The following ME3 variants were observed in gnomAD, a reference collection of about 807,000 sequenced individuals.
ME3 encodes the protein malic enzyme 3.
A neutral mutation model predicts 68.9 loss-of-function variants in ME3; 48 were observed. The observed-to-expected ratio is 0.70, with a 90% CI of 0.55 to 0.89. ME3 has a LOEUF of 0.89. Among genes scored for constraint, ME3 ranks in the 40% least tolerant of loss-of-function variants. The pLI, the probability that ME3 is intolerant of heterozygous loss-of-function variation, is 0.00. For synonymous variants in ME3, 320 were observed against 318.8 expected, an observed-to-expected ratio of 1.00 and a Z score of -0.04; for missense variants, 675 against 797.4, an observed-to-expected ratio of 0.85 and a Z score of 1.85.
intron 2 of ME3, among the ~76,000 whole-genome samples, chr11:86,650,934 A>C (rs765465015): frequency 1.5e-4 from 23 of 152,236 alleles, no homozygotes; most frequent in Non-Finnish European, 3.4e-4. Flanking sequence ...CCAACGGCAC[A>C]CCAGGAGATT....
intron 7 of ME3, among the ~76,000 whole-genome samples, chr11:86,473,298 T>C (rs1289589978): frequency 6.6e-6 from 1 of 151,664 alleles, no homozygotes; most frequent in Non-Finnish European, 1.5e-5. Flanking sequence ...TACATTGGAG[T>C]CGTTGTTTAG....
chr11:86,537,041 A>G (rs761276631), intron 4 of ME3, among the ~76,000 whole-genome samples: 2,908 of 151,192 alleles, frequency 0.019, 44 homozygotes, highest in Admixed American at 0.029. Context: ...GAAGAACAAA[A>G]AACCAAACAC....
At chr11:86,615,371 C>T (rs1471852658) in intron 2 of ME3, among the ~76,000 whole-genome samples, 3 of 152,098 alleles carry the variant, frequency 2.0e-5, no homozygotes, top group Non-Finnish European at 4.4e-5. Flanking sequence ...ATTTTGTCCT[C>T]CCCCAATTCT....
intron 2 of ME3, among the ~76,000 whole-genome samples, chr11:86,657,458 G>GCCAA (rs1945972907): frequency 6.7e-6 from 1 of 149,256 alleles, no homozygotes; most frequent in East Asian, 2.0e-4. Flanking sequence ...TCATACATTG[G>GCCAA]GGCCTGTAGG....
intron 8 of ME3, among the ~76,000 whole-genome samples, chr11:86,452,448 T>G (rs1949688268): frequency 6.6e-6 from 1 of 152,178 alleles, no homozygotes; most frequent in Non-Finnish European, 1.5e-5. Flanking sequence ...TAGTAAATAT[T>G]AATAAATATA....
chr11:86,670,864 G>A (rs1056788681), intron 2 of ME3, among the ~76,000 whole-genome samples: 3 of 152,206 alleles, frequency 2.0e-5, no homozygotes, highest in Admixed American at 6.5e-5. Context: ...AACCAAATGA[G>A]ATAGAAATGG....
intron 2 of ME3, among the ~76,000 whole-genome samples, chr11:86,566,855 G>A (rs1012276127): frequency 6.6e-6 from 1 of 152,082 alleles, no homozygotes; most frequent in Non-Finnish European, 1.5e-5. Flanking sequence ...ATCCTCCCAG[G>A]ACGTTGGTGA....
At chr11:86,662,161 C>G (rs1255242885) in intron 2 of ME3, among the ~76,000 whole-genome samples, 3 of 152,218 alleles carry the variant, frequency 2.0e-5, no homozygotes, top group Non-Finnish European at 2.9e-5. Context: ...ACTTCATGCA[C>G]TAGTCCCAGA....
intron 2 of ME3, among the ~76,000 whole-genome samples, chr11:86,593,087 T>C (rs1959149136): frequency 6.6e-6 from 1 of 152,216 alleles, no homozygotes; most frequent in Admixed American, 6.5e-5. Flanking sequence ...TGGAGATGAC[T>C]GTGGCCTTGG....
chr11:86,655,021 C>T (rs1396169018), intron 2 of ME3, among the ~76,000 whole-genome samples: 2 of 152,072 alleles, frequency 1.3e-5, no homozygotes, highest in East Asian at 1.9e-4. Flanking sequence ...AATAAAATAC[C>T]TAGGAATCCA....
chr11:86,641,051 A>G (rs1264922553), intron 2 of ME3, among the ~76,000 whole-genome samples: 2 of 151,070 alleles, frequency 1.3e-5, no homozygotes, highest in Admixed American at 6.6e-5. Flanking sequence ...GGGGGGGTCA[A>G]TGAAGGGCAT....
downstream of ME3, among the ~76,000 whole-genome samples, chr11:86,439,509 G>T (rs1401278056): frequency 6.6e-6 from 1 of 152,192 alleles, no homozygotes; most frequent in African/African-American, 2.4e-5. Context: ...TTTCCAGGCA[G>T]AAAGCTAGAG....
chr11:86,608,051 A>G (rs1301557061), intron 2 of ME3, among the ~76,000 whole-genome samples: 1 of 152,184 alleles, frequency 6.6e-6, no homozygotes, highest in East Asian at 1.9e-4. Flanking sequence ...TTCAGAATTG[A>G]TTAATTTAAA....
intron 2 of ME3, among the ~76,000 whole-genome samples, chr11:86,595,591 T>C (rs904225417): frequency 6.6e-6 from 1 of 152,058 alleles, no homozygotes; most frequent in African/African-American, 2.4e-5. Flanking sequence ...GTAAGAAGGA[T>C]TGATTGAGTG....
chr11:86,573,200 T>A (rs1957905007), intron 2 of ME3, among the ~76,000 whole-genome samples: 1 of 152,206 alleles, frequency 6.6e-6, no homozygotes, highest in African/African-American at 2.4e-5. Flanking sequence ...GATGAGTAAA[T>A]TGCAAAAATT....
intron 13 of ME3, among the ~76,000 whole-genome samples, chr11:86,443,268 T>G (rs1949107616): frequency 6.6e-6 from 1 of 152,206 alleles, no homozygotes; most frequent in Non-Finnish European, 1.5e-5. Flanking sequence ...GTCCCTCACT[T>G]CCTGGGTCCC....
intron 2 of ME3, among the ~76,000 whole-genome samples, chr11:86,662,921 A>G (rs1946374209): frequency 6.6e-6 from 1 of 152,174 alleles, no homozygotes; most frequent in Non-Finnish European, 1.5e-5. Context: ...CCTGTTGGGA[A>G]GTCCCTGGGC....
intron 2 of ME3, among the ~76,000 whole-genome samples, chr11:86,590,719 C>T (rs1171348846): frequency 6.6e-6 from 1 of 152,132 alleles, no homozygotes; most frequent in Admixed American, 6.5e-5. Flanking sequence ...AATTACGTTA[C>T]TCTGGAGGCA....
chr11:86,507,008 CCA>C (rs1401737127), intron 5 of ME3, among the ~76,000 whole-genome samples: 1 of 152,090 alleles, frequency 6.6e-6, no homozygotes, highest in African/African-American at 2.4e-5. Context: ...AAAATGATAC[CCA>C]GACACAGATG....
Sources: gnomAD v4.1 joint callset for allele counts (sites outside exome capture counted in the v4.1 genomes callset) on GRCh38, gnomAD v4.1.1 for gene constraint, MANE v1.5 for transcripts, NCBI Gene and HGNC (gene_info 2026-07-23, HGNC 2026-07-21) for gene names.